Variants in ARHGAP24 observed in about 807,000 individuals in gnomAD.
ARHGAP24 encodes Rho GTPase activating protein 24.
A neutral mutation model predicts 76.4 loss-of-function variants in ARHGAP24; 50 were observed. The ratio of observed to expected loss-of-function variants is 0.65; its 90% CI spans 0.52 to 0.83. The LOEUF (loss-of-function observed/expected upper bound fraction) is 0.83, where lower values mean the gene tolerates loss of function less well. Ranked by LOEUF, ARHGAP24 falls within the 40% of genes least tolerant of loss-of-function variation. ARHGAP24 has a pLI of 0.00. For missense variants in ARHGAP24, 930 were observed against 914.2 expected (o/e 1.02, Z -0.22); for synonymous variants, 345 against 323.3 (o/e 1.07, Z -0.72).
intron 2 of ARHGAP24, among the ~76,000 whole-genome samples, chr4:85,582,518 A>G (rs1203145105): frequency 6.6e-6 from 1 of 152,160 alleles, no homozygotes; most frequent in Non-Finnish European, 1.5e-5. Context: ...CGCATGAGAT[A>G]GAAAACTTGG....
rs545238662 is a variant in ARHGAP24, at chr4:85,936,498, T to C, written c.392-5568T>C. 2.3e-3 allele frequency among the ~76,000 whole-genome samples: 347 copies of C among 152,220 alleles called. 3 individuals are homozygous for C. The highest frequency in any genetic ancestry group is 6.3e-3 in the African/African-American group (263 of 41,530). On this transcript the variant is annotated intron_variant, in intron 4 of 9. Transcript: ENST00000395184. Reference sequence around the variant, plus strand: ...GTGTGGTCCTTGTGTCTGTGGCACCTTGCCTAAACCTCTCCGAAGCTCATA... The same window carrying C: ...GTGTGGTCCTTGTGTCTGTGGCACCCTGCCTAAACCTCTCCGAAGCTCATA...
intron 3 of ARHGAP24, among the ~76,000 whole-genome samples, chr4:85,789,683 G>A (rs922508517): frequency 2.0e-5 from 3 of 152,116 alleles, no homozygotes; most frequent in African/African-American, 7.2e-5. Context: ...TGACATTCGT[G>A]GTAAACTGCC....
chr4:85,565,107 G>GAT (rs1249274692), intron 1 of ARHGAP24, among the ~76,000 whole-genome samples: 1 of 151,104 alleles, frequency 6.6e-6, no homozygotes, highest in African/African-American at 2.4e-5. Context: ...GTACAGAAAG[G>GAT]ATATACCTAG....
intron 2 of ARHGAP24, among the ~76,000 whole-genome samples, chr4:85,675,713 G>A (rs772345012): frequency 1.4e-4 from 21 of 152,258 alleles, no homozygotes; most frequent in South Asian, 6.2e-4. Flanking sequence ...TGAAGTGTGC[G>A]CTTTGCTTTG....
At chr4:85,520,800 T>C (rs1724712431) in intron 1 of ARHGAP24, among the ~76,000 whole-genome samples, 1 of 152,150 alleles carries the variant, frequency 6.6e-6, no homozygotes, top group African/African-American at 2.4e-5. Flanking sequence ...TGGATGAATA[T>C]GTGAAAAAGA....
rs73833238 is a variant in ARHGAP24, at chr4:85,756,324, G to T, written c.268+34352G>T. 1.0e-2 allele frequency among the ~76,000 whole-genome samples: 1,519 copies of T among 152,254 alleles called. 25 individuals are homozygous for T. The highest frequency in any genetic ancestry group is 0.034 in the African/African-American group (1,416 of 41,540). On this transcript the variant is annotated intron_variant, in intron 3 of 9. Transcript: ENST00000395184. ...TACATTTTTAGGAACTGGACATTAT[G>T]ATCCATGCCTAATTTACCTTATAAA...
At chr4:85,978,428 T>A (rs542054657) in intron 8 of ARHGAP24, among the ~76,000 whole-genome samples, 33 of 152,306 alleles carry the variant, frequency 2.2e-4, no homozygotes, top group African/African-American at 7.5e-4. Flanking sequence ...AATATTTTCA[T>A]TTTTTTAGAT....
intron 2 of ARHGAP24, among the ~76,000 whole-genome samples, chr4:85,631,007 A>G (rs1721140559): frequency 6.6e-6 from 1 of 152,042 alleles, no homozygotes; most frequent in Admixed American, 6.6e-5. Flanking sequence ...ACACACATGC[A>G]TGTGTATACA....
intron 2 of ARHGAP24, among the ~76,000 whole-genome samples, chr4:85,638,104 C>T (rs1030317470): frequency 6.6e-6 from 1 of 152,100 alleles, no homozygotes; most frequent in African/African-American, 2.4e-5. Flanking sequence ...CTTGTCTCAT[C>T]TCCACCTCCA....
chr4:85,981,628 G>C (rs1022286753), intron 8 of ARHGAP24, among the ~76,000 whole-genome samples: 3 of 152,012 alleles, frequency 2.0e-5, no homozygotes, highest in Non-Finnish European at 4.4e-5. Context: ...AGATGTCCTG[G>C]CTTTATTGCC....
At chr4:85,839,343 A>G (rs1399798409) in intron 3 of ARHGAP24, among the ~76,000 whole-genome samples, 1 of 152,266 alleles carries the variant, frequency 6.6e-6, no homozygotes, top group Non-Finnish European at 1.5e-5. Flanking sequence ...TCTTTTATTA[A>G]CACTGATCAT....
At chr4:85,648,114 G>T (rs1721793350) in intron 2 of ARHGAP24, among the ~76,000 whole-genome samples, 1 of 152,120 alleles carries the variant, frequency 6.6e-6, no homozygotes, top group South Asian at 2.1e-4. Context: ...TGTAGGAAAT[G>T]TGTACGCACT....
intron 2 of ARHGAP24, among the ~76,000 whole-genome samples, chr4:85,627,168 G>T (rs1232458154): frequency 1.3e-5 from 2 of 152,230 alleles, no homozygotes; most frequent in Non-Finnish European, 2.9e-5. Context: ...AGAGTTTTGA[G>T]TTTTTCTGCT....
chr4:85,477,213 T>C (rs1344542440), intron 1 of ARHGAP24, among the ~76,000 whole-genome samples: 1 of 152,194 alleles, frequency 6.6e-6, no homozygotes, highest in Non-Finnish European at 1.5e-5. Context: ...TAATTCTTTC[T>C]GCATGTGGAG....
intron 2 of ARHGAP24, among the ~76,000 whole-genome samples, chr4:85,658,008 G>A (rs543889454): frequency 3.3e-5 from 5 of 152,264 alleles, no homozygotes; most frequent in Admixed American, 3.3e-4. Context: ...GCCCCCCTCG[G>A]CTTCCCAAGA....
At chr4:85,487,899 T>A (rs983810745) in intron 1 of ARHGAP24, among the ~76,000 whole-genome samples, 36 of 130,538 alleles carry the variant, frequency 2.8e-4, no homozygotes, top group South Asian at 4.3e-4. Context: ...TAAATATATT[T>A]TATATATATA....
At chr4:85,940,019 C>T (rs114550260) in intron 4 of ARHGAP24, among the ~76,000 whole-genome samples, 2,145 of 152,170 alleles carry the variant, frequency 0.014, 59 homozygotes, top group African/African-American at 0.049. Context: ...GGATAGAGTT[C>T]AAACAGTAGA....
intron 3 of ARHGAP24, among the ~76,000 whole-genome samples, chr4:85,884,261 A>T (rs1733429043): frequency 6.6e-6 from 1 of 152,162 alleles, no homozygotes; most frequent in Non-Finnish European, 1.5e-5. Flanking sequence ...GCACTATGTG[A>T]TCTTAGAAGA....
intron 1 of ARHGAP24, among the ~76,000 whole-genome samples, chr4:85,490,996 G>A (rs983062718): frequency 2.6e-5 from 4 of 152,028 alleles, no homozygotes; most frequent in African/African-American, 9.7e-5. Context: ...TAATATAATA[G>A]GTTTGTTTAG....
Sources: allele counts gnomAD v4.1 joint callset (sites outside exome capture counted in the v4.1 genomes callset), GRCh38; gene constraint gnomAD v4.1.1; transcripts MANE v1.5; gene names NCBI Gene and HGNC (gene_info 2026-07-23, HGNC 2026-07-21).